Variants in LTBP2 observed in about 807,000 individuals in gnomAD.
LTBP2 encodes the protein latent-transforming growth factor beta-binding protein 2.
A neutral mutation model predicts 210.6 loss-of-function variants in LTBP2; 103 were observed. The observed-to-expected ratio is 0.49, with a 90% confidence interval of 0.42 to 0.58. The LOEUF (loss-of-function observed/expected upper bound fraction) is 0.58. LTBP2 is among the 20% of genes least tolerant of loss of function. The pLI is 0.00. For missense variants in LTBP2, 2,313 were observed against 2,494.5 expected (o/e 0.93, Z 1.55); for synonymous variants, 1,007 against 1,015.0 (o/e 0.99, Z 0.15).
intron 4 of LTBP2, among the ~76,000 whole-genome samples, chr14:74,554,827 T>C (rs1213322916): frequency 6.6e-6 from 1 of 151,936 alleles, no homozygotes; most frequent in Non-Finnish European, 1.5e-5. Flanking sequence ...TCCACTTCAA[T>C]TTTTAAAATG....
intron 9 of LTBP2, among the ~76,000 whole-genome samples, chr14:74,533,525 G>C (rs2087378138): frequency 6.6e-6 from 1 of 152,208 alleles, no homozygotes; most frequent in African/African-American, 2.4e-5. Context: ...CTGGAGGAGG[G>C]AGGACCCTGG....
intron 3 of LTBP2, among the ~76,000 whole-genome samples, chr14:74,578,949 G>A (rs112130558): frequency 0.029 from 4,452 of 152,250 alleles, 242 homozygotes; most frequent in African/African-American, 0.1. Context: ...TCTGCCTCCC[G>A]GGTTCAAGCA....
chr14:74,594,396 A>G (rs1477193321), intron 2 of LTBP2, among the ~76,000 whole-genome samples: 1 of 151,598 alleles, frequency 6.6e-6, no homozygotes, highest in Non-Finnish European at 1.5e-5. Flanking sequence ...AAGAACTTCA[A>G]CTCCAGACTC....
intron 8 of LTBP2, among the ~76,000 whole-genome samples, chr14:74,541,757 G>C (rs978873351): frequency 1.1e-4 from 16 of 150,616 alleles, no homozygotes; most frequent in African/African-American, 3.7e-4. Flanking sequence ...TCAGGAGAGG[G>C]AATAAGAAAA....
At chr14:74,508,807 G>A in intron 23 of LTBP2, 23 bp downstream of exon 23, 1 of 1,613,656 alleles carries the variant, frequency 6.2e-7, no homozygotes, top group Non-Finnish European at 8.5e-7. Flanking sequence ...CCCACCCCCA[G>A]TAGGGTGACC....
At chr14:74,568,828 C>G (rs751335493) in intron 3 of LTBP2, among the ~76,000 whole-genome samples, 1 of 152,112 alleles carries the variant, frequency 6.6e-6, no homozygotes, top group African/African-American at 2.4e-5. Flanking sequence ...AACTATACTT[C>G]GGGACCTAGT....
chr14:74,565,353 T>G (rs1447488419), intron 3 of LTBP2, among the ~76,000 whole-genome samples: 1 of 152,132 alleles, frequency 6.6e-6, no homozygotes, highest in South Asian at 2.1e-4. Flanking sequence ...TCTTAAATGA[T>G]GATTATTGCA....
chr14:74,510,150 G>A lies in LTBP2; in HGVS notation c.3092C>T (p.Ser1031Phe). The change falls in exon 20 of 36, where the codon TCC (serine) becomes TTC (phenylalanine). Residue 1031 changes from serine (S) to phenylalanine (F), a missense_variant. By Grantham distance (155) the Ser-to-Phe change is radical. Transcript: ENST00000261978. ...AHGKCTNLEG[S>F]FRCSCEQGYE... Reference sequence around the variant, plus strand: ...GCCCTGCTCACAAGAGCATCTGAAGGAGCCTTCTAGGTTGGTGCACTTTCC... The same window carrying A: ...GCCCTGCTCACAAGAGCATCTGAAGAAGCCTTCTAGGTTGGTGCACTTTCC... 6.2e-7 allele frequency: 1 copy of A among 1,614,122 alleles called. No individual in the cohort carries two copies. The highest frequency in any genetic ancestry group is 8.5e-7 in the Non-Finnish European group (1 of 1,180,022).
At chr14:74,534,356 C>A (rs1486949592) in intron 9 of LTBP2, among the ~76,000 whole-genome samples, 1 of 152,226 alleles carries the variant, frequency 6.6e-6, no homozygotes, top group Non-Finnish European at 1.5e-5. Context: ...CGTGTGTACA[C>A]AGGCCACGTA....
At chr14:74,569,892 C>T (rs759263346) in intron 3 of LTBP2, among the ~76,000 whole-genome samples, 1 of 152,112 alleles carries the variant, frequency 6.6e-6, no homozygotes. Flanking sequence ...ACCCACAGTC[C>T]TAAAGCTCAG....
chr14:74,526,033 C>T (rs747208585), intron 14 of LTBP2, 42 bp downstream of exon 14: 26 of 1,573,194 alleles, frequency 1.7e-5, no homozygotes, highest in Non-Finnish European at 2.1e-5. Flanking sequence ...CTCTTTCCCT[C>T]CCTTCTCTTT....
At chr14:74,513,274 C>T (rs1191307946) in intron 18 of LTBP2, among the ~76,000 whole-genome samples, 1 of 152,228 alleles carries the variant, frequency 6.6e-6, no homozygotes, top group South Asian at 2.1e-4. Flanking sequence ...TAATCTGGTG[C>T]TTCCTAGTCT....
At chr14:74,502,442 G>T in intron 34 of LTBP2, 2 of 676,666 alleles carry the variant, frequency 3.0e-6, no homozygotes, top group Admixed American at 2.1e-5. Context: ...GTACCTTTTT[G>T]TGTCCCTGTG....
chr14:74,551,252 C>T lies in LTBP2; in HGVS notation c.1498G>A (p.Glu500Lys), dbSNP rs1566634387. ...TCCACGCTGTTCTCCACTAGGGCCT[C>T]CTCCACCCCGCCCCGCACCTGGGCC... ...QVAQVRGGVEEALVENSVETR... is the reference protein window; with the variant it reads ...QVAQVRGGVEKALVENSVETR... Residue 500 changes from glutamate (E) to lysine (K), a missense_variant, in exon 7 of 36, where the codon GAG becomes AAG. Physicochemically the swap from Glu to Lys is moderately conservative, Grantham distance 56. Coordinates refer to ENST00000261978, the MANE Select transcript of LTBP2 (RefSeq NM_000428.3). 4 of 1,612,056 alleles carry T rather than the reference C, an allele frequency of 2.5e-6. No homozygotes were observed. The highest frequency in any genetic ancestry group is 3.4e-6 in the Non-Finnish European group (4 of 1,179,402).
rs564254847 is a variant in LTBP2, at chr14:74,500,924, A to G, written c.5426T>C (p.Val1809Ala). 3.1e-6 allele frequency: 5 copies of G among 1,614,172 alleles called. No individual in the cohort carries two copies. In the South Asian group the frequency reaches 5.5e-5, roughly 18 times the overall value. ...GCAGTGGGGGGGCCCTGCCTCAGCC[A>G]CATATCCCGGGGAGCAGTGGCAGCG... The part of the protein sequence containing the change: ...SYRCHCSPGY[V>A]AEAGPPHCTA... Residue 1809 changes from valine (V) to alanine (A), a missense_variant, in exon 36 of 36, where the codon GTG becomes GCG. Physicochemically the swap from Val to Ala is moderately conservative, Grantham distance 64. Transcript: ENST00000261978.
intron 3 of LTBP2, among the ~76,000 whole-genome samples, chr14:74,563,816 AT>A (rs1243162279): frequency 6.6e-6 from 1 of 150,932 alleles, no homozygotes; most frequent in Non-Finnish European, 1.5e-5. Flanking sequence ...CTGTCTGGCC[AT>A]TTATGGAAGT....
rs568745179 is a variant in LTBP2 at position 74,589,419 on chromosome 14, A to G, written c.566-3301T>C. Reference sequence around the variant, plus strand: ...CACCAAGGGCACTCAAGACCAGTCTATCAGCAGAGAGCATGGGAAATAACA... The same window carrying G: ...CACCAAGGGCACTCAAGACCAGTCTGTCAGCAGAGAGCATGGGAAATAACA... On this transcript the variant is annotated intron_variant, in intron 2 of 35. Transcript: ENST00000261978. Among the ~76,000 whole-genome samples the G allele has an allele frequency of 8.5e-5, 13 of 152,348 alleles. No homozygotes were observed. In the South Asian group the frequency reaches 2.7e-3, roughly 32 times the overall value.
In LTBP2 at chr14:74,508,639, C is replaced by T. The variant is rs1217893660; in HGVS notation, c.3617G>A (p.Gly1206Asp). The change falls in exon 24 of 36, where the codon GGC becomes GAC. Residue 1206 changes from glycine (G) to aspartate (D), a missense_variant. Physicochemically the swap from Gly to Asp is moderately conservative, Grantham distance 94. Coordinates refer to ENST00000261978, the MANE Select transcript of LTBP2 (RefSeq NM_000428.3). ...HGSFFCLCAP[G>D]FVSAEGGTSC... ...GGTGCCCCCCTCTGCGCTGACGAAG[C>T]CAGGCGCGCACAGACAGAAGAAAGA... 1 of 1,612,066 alleles carries T rather than the reference C, an allele frequency of 6.2e-7. No homozygotes were observed. Among genetic ancestry groups the T allele is most frequent in the African/African-American group, 1.3e-5 (1 of 75,036 alleles).
At chr14:74,508,155 G>C in intron 24 of LTBP2, 60 bp from the exon 25 acceptor site, 2 of 1,602,798 alleles carry the variant, frequency 1.2e-6, no homozygotes, top group Non-Finnish European at 1.7e-6. Context: ...TTAGGGTCCT[G>C]TGTAGCTTCC....
Sources: gnomAD v4.1 joint callset for allele counts (sites outside exome capture counted in the v4.1 genomes callset) on GRCh38, gnomAD v4.1.1 for gene constraint, MANE v1.5 for transcripts, NCBI Gene and HGNC (gene_info 2026-07-23, HGNC 2026-07-21) for gene names.